MCUB: variants seen among roughly 807,000 people sequenced by gnomAD.
The protein encoded by MCUB is mitochondrial calcium uniporter dominant negative subunit beta.
Under a neutral mutation model 41.4 loss-of-function variants are expected in MCUB, and 46 were observed. The observed-to-expected ratio is 1.11, with a 90% CI of 0.88 to 1.42. The LOEUF (loss-of-function observed/expected upper bound fraction) is 1.42. Ranked by LOEUF, MCUB falls within the 40% of genes most tolerant of loss-of-function variation. MCUB has a pLI of 0.00. For missense variants in MCUB, 403 were observed against 404.9 expected (o/e 1.00, Z 0.04); for synonymous variants, 148 against 148.2 (o/e 1.00, Z 0.01).
At position 109,560,361 on chromosome 4, in the gene MCUB, G is replaced by C; in HGVS notation, c.24G>C (p.Pro8=). Residue 8 remains proline (P), a synonymous_variant, in exon 1 of 8, where the codon CCG becomes CCC. Transcript: ENST00000394650. MLQRGLW[P]WRTRLLPTPG... ...GGATGCTCCAGAGGGGCCTCTGGCC[G>C]TGGCGCACGCGGCTGCTGCCGACCC... 1 of 1,320,208 alleles carries C rather than the reference G, an allele frequency of 7.6e-7. No individual in the cohort carries two copies. Among genetic ancestry groups the C allele is most frequent in the Non-Finnish European group, 9.7e-7 (1 of 1,035,782 alleles). The allele number at this position is 1,320,208 out of a possible 1,614,324, so 81.8% of individuals were successfully genotyped here.
At chr4:109,562,993 G>A (rs1477473084) in intron 1 of MCUB, among the ~76,000 whole-genome samples, 1 of 152,232 alleles carries the variant, frequency 6.6e-6, no homozygotes, top group Non-Finnish European at 1.5e-5. Context: ...GGCAAGGCAT[G>A]GCCTGGTGGC....
At chr4:109,589,423 T>G (rs1365098410) in intron 1 of MCUB, among the ~76,000 whole-genome samples, 1 of 152,232 alleles carries the variant, frequency 6.6e-6, no homozygotes, top group Non-Finnish European at 1.5e-5. Context: ...TTCCCGTCTC[T>G]CTGCAAACAT....
intron 1 of MCUB, 100 bp downstream of exon 1, chr4:109,560,536 A>C (rs1294555294): frequency 1.8e-6 from 1 of 564,010 alleles, no homozygotes; most frequent in Non-Finnish European, 2.6e-6. Context: ...CCGAGCAGTC[A>C]ACTGCGTTTT....
chr4:109,591,253 T>G (rs192297930), intron 1 of MCUB, among the ~76,000 whole-genome samples: 2 of 151,744 alleles, frequency 1.3e-5, no homozygotes, highest in Non-Finnish European at 2.9e-5. Flanking sequence ...TGGTGCGATC[T>G]CAGCTCACTG....
chr4:109,566,990 A>G (rs114628379), intron 1 of MCUB, among the ~76,000 whole-genome samples: 1,814 of 152,232 alleles, frequency 0.012, 34 homozygotes, highest in African/African-American at 0.041. Flanking sequence ...GCAGGCACCT[A>G]TAATCCCAGC....
chr4:109,579,873 C>T (rs1247925752), intron 1 of MCUB, among the ~76,000 whole-genome samples: 1 of 152,228 alleles, frequency 6.6e-6, no homozygotes, highest in Admixed American at 6.5e-5. Flanking sequence ...CAAAAATGAA[C>T]ATAAAACTTT....
intron 1 of MCUB, among the ~76,000 whole-genome samples, chr4:109,572,734 C>T (rs1369918677): frequency 6.6e-6 from 1 of 152,038 alleles, no homozygotes; most frequent in Non-Finnish European, 1.5e-5. Flanking sequence ...ATTTGGATGT[C>T]ACTATTGATC....
chr4:109,584,273 T>A (rs1164353206), intron 1 of MCUB, among the ~76,000 whole-genome samples: 1 of 152,242 alleles, frequency 6.6e-6, no homozygotes, highest in Non-Finnish European at 1.5e-5. Context: ...GTAGTTTGTA[T>A]TTCTGTGGGA....
chr4:109,659,888 G>T (rs568682943), intron 2 of MCUB, among the ~76,000 whole-genome samples: 1 of 152,110 alleles, frequency 6.6e-6, no homozygotes, highest in African/African-American at 2.4e-5. Context: ...AAACTTCTGC[G>T]CTCAGGCAGT....
At chr4:109,652,538 G>C (rs1039192682) in intron 1 of MCUB, among the ~76,000 whole-genome samples, 6 of 152,168 alleles carry the variant, frequency 3.9e-5, no homozygotes, top group African/African-American at 1.4e-4. Context: ...CATCTGGTCA[G>C]GTTCTTCTTG....
chr4:109,576,913 G>A (rs113641730), intron 1 of MCUB, among the ~76,000 whole-genome samples: 130 of 152,140 alleles, frequency 8.5e-4, no homozygotes, highest in African/African-American at 2.6e-3. Context: ...GTGCAGTGGC[G>A]CAATCTCGCC....
chr4:109,597,667 G>A (rs573452631), intron 1 of MCUB, among the ~76,000 whole-genome samples: 16 of 143,834 alleles, frequency 1.1e-4, no homozygotes, highest in South Asian at 4.4e-4. Flanking sequence ...CAGACCGGGC[G>A]GCTGGCCGGG....
intron 1 of MCUB, among the ~76,000 whole-genome samples, chr4:109,582,213 T>A (rs1727195157): frequency 6.6e-6 from 1 of 151,918 alleles, no homozygotes; most frequent in Non-Finnish European, 1.5e-5. Context: ...AAGGATGAGT[T>A]CATGTCCTTT....
chr4:109,608,001 T>A (rs1727920051), intron 1 of MCUB, among the ~76,000 whole-genome samples: 1 of 152,208 alleles, frequency 6.6e-6, no homozygotes, highest in Non-Finnish European at 1.5e-5. Context: ...CTCTACTTCC[T>A]CTTCAAGGCC....
rs1440217621 is a variant in MCUB, at chr4:109,659,009, A to T, written c.100-2A>T. ...AAACAAATTAATTTTTCCTTCTTGT[A>T]GGTTTTGCGTGTGAAGCTGTGTGGA... On this transcript the variant is annotated splice_acceptor_variant, in intron 1 of 7. Coordinates refer to ENST00000394650, the MANE Select transcript of MCUB (RefSeq NM_017918.5). LOFTEE classifies it high-confidence loss of function. The T allele has an allele frequency of 6.6e-7, 1 of 1,510,962 alleles. No individual in the cohort carries two copies. Among genetic ancestry groups the T allele is most frequent in the African/African-American group, 1.4e-5 (1 of 72,224 alleles). The allele number at this position is 1,510,962 out of a possible 1,614,324, so 93.6% of individuals were successfully genotyped here. A position where few individuals can be genotyped will look rare whatever the true frequency, so the allele number is the denominator to read the frequency against.
rs571675947 is a variant in MCUB at position 109,601,233 on chromosome 4, T to G, written c.99+40797T>G. On this transcript the variant is annotated intron_variant, in intron 1 of 7. Coordinates refer to ENST00000394650, the MANE Select transcript of MCUB (RefSeq NM_017918.5). ...CACATCAGAGTAAATGGGGTATCCA[T>G]CCCCTCAAGCATTGATTCTTTGTGT... Among the ~76,000 whole-genome samples the G allele has an allele frequency of 2.0e-5, 3 of 152,292 alleles. No homozygotes were observed. The South Asian group carries it at 6.2e-4, about 32-fold the overall frequency.
At chr4:109,630,272 C>T (rs1728446148) in intron 1 of MCUB, among the ~76,000 whole-genome samples, 1 of 152,016 alleles carries the variant, frequency 6.6e-6, no homozygotes, top group Admixed American at 6.6e-5. Context: ...CCAGCATGGT[C>T]AACATAGCAA....
intron 1 of MCUB, among the ~76,000 whole-genome samples, chr4:109,611,759 T>C (rs908361501): frequency 3.9e-5 from 6 of 152,210 alleles, no homozygotes; most frequent in African/African-American, 1.2e-4. Flanking sequence ...GCTGATGATT[T>C]GAAGTCCATT....
chr4:109,673,911 A>T (rs1248584282), intron 4 of MCUB: 4 of 777,360 alleles, frequency 5.1e-6, no homozygotes, highest in Non-Finnish European at 9.6e-6. Context: ...TTATTCGAAA[A>T]GCTAAAGAGG....
Sources: allele counts gnomAD v4.1 joint callset (sites outside exome capture counted in the v4.1 genomes callset), GRCh38; gene constraint gnomAD v4.1.1; transcripts MANE v1.5; gene names NCBI Gene and HGNC (gene_info 2026-07-23, HGNC 2026-07-21).